The following RSRP1 variants were observed in gnomAD, a reference collection of about 807,000 sequenced individuals.
RSRP1 encodes the protein arginine and serine rich protein 1, also known as arginine/serine-rich protein 1.
A neutral mutation model predicts 33.0 loss-of-function variants in RSRP1; 37 were observed. That is an observed-to-expected ratio of 1.12 (90% CI 0.86 to 1.48). The LOEUF (loss-of-function observed/expected upper bound fraction) is 1.48, where lower values mean the gene tolerates loss of function less well. Among genes scored for constraint, RSRP1 ranks in the 40% most tolerant of loss-of-function variants. The pLI is 0.00. For synonymous variants in RSRP1, 167 were observed against 158.7 expected (o/e 1.05, Z -0.40); for missense variants, 402 against 385.3 (o/e 1.04, Z -0.36).
chr1:25,305,213 G>A (rs1318391979), intron 1 of RSRP1, among the ~76,000 whole-genome samples: 1 of 130,088 alleles, frequency 7.7e-6, no homozygotes, highest in Non-Finnish European at 1.8e-5. Flanking sequence ...CCAGGCAGAA[G>A]GCACAGTGTG....
chr1:25,331,717 GC>G lies in RSRP1; in HGVS notation c.-67+6260del, dbSNP rs1296395242. 9.5e-5 allele frequency among the ~76,000 whole-genome samples: 11 copies of G among 115,352 alleles called. 1 individual carries two copies. The East Asian group carries it at 2.3e-3, about 24-fold the overall frequency. 75.7% of individuals were successfully genotyped at this position (115,352 alleles called of 152,430 possible). A position where few individuals can be genotyped will look rare whatever the true frequency, so the allele number is the denominator to read the frequency against. ...CGAGTAGCTGGGACTACAGGCGTCC[GC>G]CAAGATGCCCAGCTAATTTTTTTTT... On this transcript the variant is annotated intron_variant, in intron 1 of 1. Coordinates refer to the RSRP1 transcript ENST00000561867.
Position 25,304,418 on chromosome 1 carries a change from G to C in RSRP1, c.-67+33560C>G, listed in dbSNP as rs1643632228. ...GTTCAAGACCAGCCTGGCCAACATG[G>C]TGAAACCCATCTCTACTAAAAGTAC... On this transcript the variant is annotated intron_variant, in intron 1 of 1. Transcript: ENST00000561867. 2 of 128,598 alleles carry C rather than the reference G, an allele frequency of 1.6e-5. 1 individual carries two copies. The highest frequency in any genetic ancestry group is 3.6e-5 in the Non-Finnish European group (2 of 54,842). The allele number at this position is 128,598 out of a possible 1,614,324, so 8.0% of individuals were successfully genotyped here. A position where few individuals can be genotyped will look rare whatever the true frequency, so the allele number is the denominator to read the frequency against.
intron 1 of RSRP1, among the ~76,000 whole-genome samples, chr1:25,259,253 G>A (rs1426824378): frequency 3.3e-5 from 5 of 151,538 alleles, no homozygotes; most frequent in African/African-American, 9.7e-5. Context: ...CACCACATCT[G>A]GCTAATTTTT....
chr1:25,283,041 G>T (rs1641641475), intron 1 of RSRP1, among the ~76,000 whole-genome samples: 1 of 133,110 alleles, frequency 7.5e-6, no homozygotes, highest in Non-Finnish European at 1.8e-5. Context: ...ATTCATGTGC[G>T]AAAACAGTTG....
chr1:25,330,081 G>A (rs1173666708), intron 1 of RSRP1: 1 of 132,846 alleles, frequency 7.5e-6, no homozygotes, highest in Admixed American at 7.3e-5. Context: ...CAAACAGACG[G>A]ACAGCGTGTG....
chr1:25,337,162 A>G (rs1224658346), intron 1 of RSRP1: 1 of 151,652 alleles, frequency 6.6e-6, no homozygotes, highest in African/African-American at 2.4e-5. Context: ...TCTCTGTGTG[A>G]TCGCATGTGC....
At chr1:25,320,089 G>T (rs1389216138) in intron 1 of RSRP1, among the ~76,000 whole-genome samples, 1 of 130,750 alleles carries the variant, frequency 7.6e-6, no homozygotes, top group African/African-American at 2.6e-5. Context: ...GTAGAGACAG[G>T]GTTTCTCCAT....
At chr1:25,294,736 G>A in intron 1 of RSRP1, 1 of 494,688 alleles carries the variant, frequency 2.0e-6, no homozygotes, top group South Asian at 2.1e-5. Context: ...CACAGGTTCA[G>A]TCTCCTGCAG....
intron 1 of RSRP1, among the ~76,000 whole-genome samples, chr1:25,261,193 TA>T (rs1640130615): frequency 6.6e-6 from 1 of 152,188 alleles, no homozygotes; most frequent in African/African-American, 2.4e-5. Flanking sequence ...TTAAAGCACC[TA>T]TTTCCAAATA....
At position 25,315,489 on chromosome 1, in the gene RSRP1, TTTTC is replaced by T. The variant is rs1029330227; in HGVS notation, c.-67+22485_-67+22488del. On this transcript the variant is annotated intron_variant, in intron 1 of 1. Transcript: ENST00000561867. ...TTTTTATCTTTTTAATTTATTTTTCTTTTCTTTCTTTCTTTTTTTTTTTTTGAGA... is the reference window on the plus strand; with the variant it reads ...TTTTTATCTTTTTAATTTATTTTTCTTTTCTTTCTTTTTTTTTTTTTGAGA... Among the ~76,000 whole-genome samples the T allele has an allele frequency of 1.8e-4, 23 of 125,008 alleles. 3 individuals are homozygous for T. The highest frequency in any genetic ancestry group is 1.4e-3 in the East Asian group (7 of 5,086). The allele number at this position is 125,008 out of a possible 152,430, so 82.0% of individuals were successfully genotyped here.
At position 25,242,546 on chromosome 1, in the gene RSRP1, A is replaced by T. The variant is rs746552405; in HGVS notation, c.*43T>A. 1 of 1,220,538 alleles carries T rather than the reference A, an allele frequency of 8.2e-7. No homozygotes were observed. The highest frequency in any genetic ancestry group is 1.5e-5 in the African/African-American group (1 of 66,078). The allele number at this position is 1,220,538 out of a possible 1,614,324, so 75.6% of individuals were successfully genotyped here. A position where few individuals can be genotyped will look rare whatever the true frequency, so the allele number is the denominator to read the frequency against. On this transcript the variant is annotated 3_prime_UTR_variant, in exon 5 of 5. Coordinates refer to ENST00000243189, the MANE Select transcript of RSRP1 (RefSeq NM_020317.5). Reference sequence around the variant, plus strand: ...AATGCTAGAAACACTAACTTGCAATAAAGTGCAGTTTTCATGCAAACTTAG... The same window carrying T: ...AATGCTAGAAACACTAACTTGCAATTAAGTGCAGTTTTCATGCAAACTTAG...
chr1:25,296,695 G>A (rs1292537271), intron 1 of RSRP1, among the ~76,000 whole-genome samples: 1 of 128,790 alleles, frequency 7.8e-6, no homozygotes, highest in African/African-American at 2.6e-5. Context: ...CAGTGAGTGG[G>A]TTTTCAGGAG....
intron 1 of RSRP1, among the ~76,000 whole-genome samples, chr1:25,332,031 C>T (rs1381549807): frequency 1.7e-5 from 2 of 119,202 alleles, no homozygotes; most frequent in African/African-American, 5.7e-5. Context: ...TGAGCCACCG[C>T]GCCCAGCAGA....
rs1319522202 is a variant in RSRP1 at position 25,242,580 on chromosome 1, TTTC to T, written c.*6_*8del. Reference sequence around the variant, plus strand: ...TTTTCATGCAAACTTAGCCATCAGTTTTCTTCTTTTAGATAGGTATCCACAGTC... The same window carrying T: ...TTTTCATGCAAACTTAGCCATCAGTTTTCTTTTAGATAGGTATCCACAGTC... On this transcript the variant is annotated 3_prime_UTR_variant, in exon 5 of 5. Coordinates refer to ENST00000243189, the MANE Select transcript of RSRP1 (RefSeq NM_020317.5). 1 of 1,529,756 alleles carries T rather than the reference TTTC, an allele frequency of 6.5e-7. No homozygotes were observed. Among genetic ancestry groups the T allele is most frequent in the East Asian group, 2.3e-5 (1 of 44,342 alleles). The allele number at this position is 1,529,756 out of a possible 1,614,324, so 94.8% of individuals were successfully genotyped here.
intron 1 of RSRP1, among the ~76,000 whole-genome samples, chr1:25,289,168 T>C (rs1327943324): frequency 7.6e-6 from 1 of 132,252 alleles, no homozygotes; most frequent in Non-Finnish European, 1.8e-5. Context: ...TACTGAATGG[T>C]GAGCTAGCAC....
rs1303257347 is a variant in RSRP1, at chr1:25,253,267, T to C, written c.-66-6238A>G. 3.3e-5 allele frequency: 5 copies of C among 152,232 alleles called. No individual in the cohort carries two copies. In the East Asian group the frequency reaches 9.6e-4, roughly 29 times the overall value. 9.4% of individuals were successfully genotyped at this position (152,232 alleles called of 1,614,324 possible). A position where few individuals can be genotyped will look rare whatever the true frequency, so the allele number is the denominator to read the frequency against. ...AACAAGTTGAAACTTATAATCAACA[T>C]CCTTTAAGAGAAATCACATAGATCT... On this transcript the variant is annotated intron_variant, in intron 1 of 1. Transcript: ENST00000561867.
chr1:25,256,187 C>A (rs1418454646), intron 1 of RSRP1, among the ~76,000 whole-genome samples: 1 of 148,890 alleles, frequency 6.7e-6, no homozygotes, highest in African/African-American at 2.5e-5. Flanking sequence ...GTCTCACTAG[C>A]TCTGTTGTCC....
At chr1:25,277,060 C>T (rs1339757494) in intron 1 of RSRP1, among the ~76,000 whole-genome samples, 3 of 131,840 alleles carry the variant, frequency 2.3e-5, no homozygotes, top group East Asian at 3.9e-4. Flanking sequence ...GAGCGAGACT[C>T]CGTCTAAAAA....
intron 1 of RSRP1, among the ~76,000 whole-genome samples, chr1:25,279,294 G>A (rs1024211789): frequency 8.6e-5 from 11 of 128,006 alleles, no homozygotes; most frequent in African/African-American, 1.1e-4. Flanking sequence ...ATGAGCCAGC[G>A]AGCTCAATGC....
Sources: gnomAD v4.1 joint callset for allele counts (sites outside exome capture counted in the v4.1 genomes callset) on GRCh38, gnomAD v4.1.1 for gene constraint, MANE v1.5 for transcripts, NCBI Gene and HGNC (gene_info 2026-07-23, HGNC 2026-07-21) for gene names.